HSD17B6: variants seen among roughly 807,000 people sequenced by gnomAD.
The protein encoded by HSD17B6 is hydroxysteroid 17-beta dehydrogenase 6.
In HSD17B6, 16 loss-of-function variants were observed where a neutral mutation model predicts 26.4. The observed-to-expected ratio is 0.61, with a 90% CI of 0.41 to 0.92. The LOEUF is 0.92. Ranked by LOEUF, HSD17B6 falls within the 40% of genes least tolerant of loss-of-function variation. HSD17B6 has a pLI of 0.00. For missense variants in HSD17B6, 357 were observed against 386.1 expected, an observed-to-expected ratio of 0.92 and a Z score of 0.63; for synonymous variants, 139 against 153.0, an observed-to-expected ratio of 0.91 and a Z score of 0.68.
chr12:56,778,222 T>A (rs942808677), intron 2 of HSD17B6, among the ~76,000 whole-genome samples: 1 of 152,238 alleles, frequency 6.6e-6, no homozygotes, highest in Admixed American at 6.5e-5. Context: ...GAAATTCTAC[T>A]AGTGCCTGAA....
intron 1 of HSD17B6, among the ~76,000 whole-genome samples, chr12:56,768,114 A>T (rs939950129): frequency 3.9e-5 from 6 of 152,130 alleles, no homozygotes; most frequent in African/African-American, 1.2e-4. Flanking sequence ...ACAGAATCCA[A>T]TGAGAGCATG....
chr12:56,784,441 A>G (rs10876922), intron 3 of HSD17B6, among the ~76,000 whole-genome samples: 152,256 of 152,282 alleles, frequency 1, 76,115 homozygotes, highest in Middle Eastern at 1. Flanking sequence ...TTGGGAGGCC[A>G]AGGCTGGCGG....
rs1017078420 is a variant in HSD17B6 at position 56,787,690 on chromosome 12, T to C, written c.*348T>C. 25 of 211,038 alleles carry C rather than the reference T, an allele frequency of 1.2e-4. No homozygotes were observed. The highest frequency in any genetic ancestry group is 3.5e-4 in the African/African-American group (15 of 42,702). The allele number at this position is 211,038 out of a possible 1,614,324, so 13.1% of individuals were successfully genotyped here. ...ATTGTTCTATGCTTTAATAATCTAT[T>C]GTGAGGAAACTACTAAGAAATATGT... On this transcript the variant is annotated 3_prime_UTR_variant, in exon 5 of 5. Transcript: ENST00000322165.
chr12:56,780,043 C>T (rs1374165057), intron 2 of HSD17B6, among the ~76,000 whole-genome samples: 2 of 152,164 alleles, frequency 1.3e-5, no homozygotes, highest in Non-Finnish European at 2.9e-5. Flanking sequence ...TCTTCTGTCT[C>T]CTGTTGTTCA....
intron 1 of HSD17B6, among the ~76,000 whole-genome samples, chr12:56,764,487 G>A (rs1332814054): frequency 6.6e-6 from 1 of 152,192 alleles, no homozygotes; most frequent in East Asian, 1.9e-4. Context: ...TAGAAAAGTG[G>A]TGGTGTAATG....
chr12:56,770,951 T>C (rs1954457449), intron 1 of HSD17B6, among the ~76,000 whole-genome samples: 1 of 152,192 alleles, frequency 6.6e-6, no homozygotes, highest in East Asian at 1.9e-4. Context: ...AAATCTGCTA[T>C]GAGGAGTGAG....
intron 2 of HSD17B6, among the ~76,000 whole-genome samples, chr12:56,780,066 T>A (rs1282791676): frequency 6.6e-6 from 1 of 152,246 alleles, no homozygotes; most frequent in Admixed American, 6.5e-5. Flanking sequence ...TCTTGATAAG[T>A]CAGTTGTTAG....
intron 1 of HSD17B6, among the ~76,000 whole-genome samples, chr12:56,772,697 CAAA>C (rs374835392): frequency 4.8e-5 from 3 of 62,694 alleles, no homozygotes; most frequent in Non-Finnish European, 3.3e-5. Context: ...AACTCTGTCT[CAAA>C]AAAAAAAAAA....
intron 2 of HSD17B6, among the ~76,000 whole-genome samples, chr12:56,774,475 C>A (rs527622564): frequency 6.6e-6 from 1 of 152,138 alleles, no homozygotes; most frequent in East Asian, 1.9e-4. Flanking sequence ...CACCAGGGAC[C>A]GGTTTTGTGG....
chr12:56,767,699 TTATA>T (rs981533681), intron 1 of HSD17B6, among the ~76,000 whole-genome samples: 2 of 144,850 alleles, frequency 1.4e-5, no homozygotes, highest in African/African-American at 5.1e-5. Context: ...AGAGGGTATA[TTATA>T]TATACACATA....
intron 1 of HSD17B6, among the ~76,000 whole-genome samples, chr12:56,764,559 A>G (rs2137889693): frequency 6.6e-6 from 1 of 152,366 alleles, no homozygotes; most frequent in South Asian, 2.1e-4. Flanking sequence ...GGGAAGAGAC[A>G]GGGCTCAGGG....
intron 3 of HSD17B6, among the ~76,000 whole-genome samples, chr12:56,783,794 C>T (rs577634946): frequency 0.017 from 2,404 of 141,488 alleles, 62 homozygotes; most frequent in African/African-American, 0.058. Context: ...ACCTCCCGGA[C>T]GGGGCGGCTG....
chr12:56,783,697 C>G (rs1387403632), intron 3 of HSD17B6, among the ~76,000 whole-genome samples: 1 of 143,926 alleles, frequency 6.9e-6, no homozygotes, highest in Non-Finnish European at 1.5e-5. Flanking sequence ...GGGCTGACCC[C>G]CCTCACCTCC....
chr12:56,783,639 G>A (rs1954791638), intron 3 of HSD17B6, among the ~76,000 whole-genome samples: 1 of 54,662 alleles, frequency 1.8e-5, no homozygotes, highest in Non-Finnish European at 3.5e-5. Context: ...CGGGTGGGGG[G>A]CTGACCCCCC....
rs571614189 is a variant in HSD17B6 at position 56,768,399 on chromosome 12, G to A, written c.-20+4985G>A. On this transcript the variant is annotated intron_variant, in intron 1 of 4. Transcript: ENST00000322165. ...TGCCCTTTGAATATTTTGGCCATAT[G>A]GGGAAGAGAGAGGATGGTTATTAAA... Among the ~76,000 whole-genome samples, 8 of 152,188 alleles carry A rather than the reference G, an allele frequency of 5.3e-5. No homozygotes were observed. In the South Asian group the frequency reaches 1.5e-3, roughly 28 times the overall value.
intron 2 of HSD17B6, 69 bp from the exon 3 acceptor site, chr12:56,781,905 C>G: frequency 2.6e-6 from 4 of 1,518,416 alleles, no homozygotes; most frequent in Non-Finnish European, 3.6e-6. Flanking sequence ...GATTCTTTCC[C>G]CACCAAAGTT....
intron 1 of HSD17B6, among the ~76,000 whole-genome samples, chr12:56,772,385 A>C (rs948635131): frequency 2.0e-5 from 3 of 152,146 alleles, no homozygotes; most frequent in Non-Finnish European, 4.4e-5. Flanking sequence ...AGTGATGATT[A>C]GGCTGAGACT....
At chr12:56,778,798 A>T (rs1202842291) in intron 2 of HSD17B6, among the ~76,000 whole-genome samples, 4 of 149,800 alleles carry the variant, frequency 2.7e-5, no homozygotes, top group Non-Finnish European at 4.4e-5. Flanking sequence ...CCTCAGCCTT[A>T]CAAGTAGCTG....
intron 2 of HSD17B6, among the ~76,000 whole-genome samples, chr12:56,780,775 G>T (rs996418170): frequency 6.6e-6 from 1 of 151,640 alleles, no homozygotes; most frequent in Non-Finnish European, 1.5e-5. Context: ...GGTGAACCCG[G>T]GGGGTGGAGC....
Sources: allele counts gnomAD v4.1 joint callset (sites outside exome capture counted in the v4.1 genomes callset), GRCh38; gene constraint gnomAD v4.1.1; transcripts MANE v1.5; gene names NCBI Gene and HGNC (gene_info 2026-07-23, HGNC 2026-07-21).